The following STON2 variants were observed in gnomAD, a reference collection of about 807,000 sequenced individuals.
STON2 encodes the protein stonin-2.
Under a neutral mutation model 65.7 loss-of-function variants are expected in STON2, and 29 were observed. The observed-to-expected ratio is 0.44, with a 90% CI of 0.33 to 0.60. The LOEUF (loss-of-function observed/expected upper bound fraction) is 0.60. STON2 is among the 20% of genes least tolerant of loss of function. The pLI, the probability that STON2 is intolerant of heterozygous loss-of-function variation, is 0.03. For synonymous variants in STON2, 404 were observed against 414.2 expected (o/e 0.98, Z 0.30); for missense variants, 1,054 against 1,118.1 (o/e 0.94, Z 0.82).
chr14:81,384,503 TG>T (rs869170346), intron 3 of STON2, among the ~76,000 whole-genome samples: 1 of 140,936 alleles, frequency 7.1e-6, no homozygotes, highest in South Asian at 2.4e-4. Flanking sequence ...ACCAAAGTGG[TG>T]GGATTACAGG....
At chr14:81,274,182 A>G (rs1183190946) in intron 6 of STON2, among the ~76,000 whole-genome samples, 2 of 152,292 alleles carry the variant, frequency 1.3e-5, no homozygotes, top group African/African-American at 4.8e-5. Flanking sequence ...ATGGAAACAT[A>G]CCACTGGCTA....
intron 5 of STON2, among the ~76,000 whole-genome samples, chr14:81,304,310 T>TTTG (rs1896086303): frequency 6.6e-6 from 1 of 152,242 alleles, no homozygotes; most frequent in Non-Finnish European, 1.5e-5. Flanking sequence ...TTACGTGGAT[T>TTTG]ATCTCCTTTG....
chr14:81,297,358 G>A (rs1414637213), intron 5 of STON2, among the ~76,000 whole-genome samples: 2 of 152,222 alleles, frequency 1.3e-5, no homozygotes, highest in African/African-American at 2.4e-5. Context: ...TACAAAGCTA[G>A]TAAGAGGAAG....
At chr14:81,274,587 C>A (rs1489763820) in intron 6 of STON2, among the ~76,000 whole-genome samples, 1 of 151,896 alleles carries the variant, frequency 6.6e-6, no homozygotes, top group Non-Finnish European at 1.5e-5. Flanking sequence ...TCTTGGTGGT[C>A]ACGTCAGTCA....
rs150857052 is a variant in STON2 at position 81,412,795 on chromosome 14, C to T, written c.-198-14215G>A. Among the ~76,000 whole-genome samples the T allele has an allele frequency of 4.2e-4, 59 of 139,986 alleles. 17 individuals carry two copies. In the East Asian group the frequency reaches 0.014, roughly 32 times the overall value. 91.8% of individuals were successfully genotyped at this position (139,986 alleles called of 152,430 possible). A position where few individuals can be genotyped will look rare whatever the true frequency, so the allele number is the denominator to read the frequency against. ...AAATGACCACGCGCAAAGCAGTCTT[C>T]GCAAAGGGGAAAATATGATTGCTTT... On this transcript the variant is annotated intron_variant, in intron 2 of 8. Coordinates refer to the STON2 transcript ENST00000553821.
At chr14:81,397,809 GC>G (rs1900399323) in intron 2 of STON2, among the ~76,000 whole-genome samples, 1 of 152,070 alleles carries the variant, frequency 6.6e-6, no homozygotes, top group South Asian at 2.1e-4. Flanking sequence ...ATTCACTTAA[GC>G]CTCACAGCAA....
upstream of STON2, among the ~76,000 whole-genome samples, chr14:81,400,497 A>AAAAAC (rs1555406734): frequency 6.7e-6 from 1 of 148,912 alleles, no homozygotes; most frequent in Non-Finnish European, 1.5e-5. Flanking sequence ...AAAAAAAAAA[A>AAAAAC]CCCACAATAC....
intron 4 of STON2, chr14:81,333,314 T>G (rs528834447): frequency 1.6e-6 from 1 of 642,236 alleles, no homozygotes; most frequent in Non-Finnish European, 2.9e-6. Context: ...TCTGAAGTCG[T>G]TGGTTGGTCA....
intron 5 of STON2, chr14:81,323,521 A>T (rs1439395612): frequency 6.6e-6 from 1 of 152,206 alleles, no homozygotes; most frequent in African/African-American, 2.4e-5. Context: ...TCTTTTCCTC[A>T]AACCCCACCT....
At position 81,264,620 on chromosome 14, in the gene STON2, C is replaced by T. The variant is rs533452287; in HGVS notation, c.*3794G>A. 3 of 984,924 alleles carry T rather than the reference C, an allele frequency of 3.0e-6. No individual in the cohort carries two copies. The highest frequency in any genetic ancestry group is 1.1e-4 in the East Asian group (1 of 8,802). The allele number at this position is 984,924 out of a possible 1,614,324, so 61.0% of individuals were successfully genotyped here. A position where few individuals can be genotyped will look rare whatever the true frequency, so the allele number is the denominator to read the frequency against. ...TAGGGAAATAAACTCTTACTCCCAG[C>T]CACTGGATTTGAATAGAAATCAGTC... On this transcript the variant is annotated 3_prime_UTR_variant, in exon 8 of 8. Coordinates refer to ENST00000614646, the MANE Select transcript of STON2 (RefSeq NM_001394390.1).
chr14:81,285,652 T>A (rs966622212), intron 5 of STON2, among the ~76,000 whole-genome samples: 1 of 152,160 alleles, frequency 6.6e-6, no homozygotes, highest in Non-Finnish European at 1.5e-5. Context: ...TTTCTTGAGA[T>A]AGAATCTACT....
intron 2 of STON2, among the ~76,000 whole-genome samples, chr14:81,406,954 C>T (rs1414587088): frequency 6.6e-6 from 1 of 152,152 alleles, no homozygotes; most frequent in Non-Finnish European, 1.5e-5. Flanking sequence ...TTCAATTGCC[C>T]CAAACTCTGA....
At chr14:81,424,903 C>T (rs1901892528) in intron 2 of STON2, among the ~76,000 whole-genome samples, 1 of 152,192 alleles carries the variant, frequency 6.6e-6, no homozygotes. Context: ...CTTCACATCA[C>T]CCTCTCCCAT....
chr14:81,367,038 T>A (rs1052739383), intron 4 of STON2, among the ~76,000 whole-genome samples: 19 of 152,250 alleles, frequency 1.2e-4, no homozygotes, highest in Admixed American at 1.2e-3. Flanking sequence ...CCATCCAGCC[T>A]CAAAGCAGGG....
At chr14:81,355,420 G>A (rs1308784144) in intron 4 of STON2, among the ~76,000 whole-genome samples, 1 of 151,856 alleles carries the variant, frequency 6.6e-6, no homozygotes, top group Non-Finnish European at 1.5e-5. Context: ...ACATACAAAG[G>A]GGTCCCAATA....
intron 4 of STON2, among the ~76,000 whole-genome samples, chr14:81,368,531 T>C (rs751603227): frequency 6.6e-6 from 1 of 152,112 alleles, no homozygotes; most frequent in African/African-American, 2.4e-5. Context: ...CTGACCAACA[T>C]GGCGAAACTC....
intron 5 of STON2, among the ~76,000 whole-genome samples, chr14:81,292,257 T>A (rs942597443): frequency 6.6e-6 from 1 of 152,186 alleles, no homozygotes; most frequent in Non-Finnish European, 1.5e-5. Flanking sequence ...CCAAGGATCA[T>A]GTTATCTCAC....
intron 1 of STON2, among the ~76,000 whole-genome samples, chr14:81,434,811 C>T (rs895595160): frequency 5.3e-5 from 8 of 152,016 alleles, no homozygotes; most frequent in Middle Eastern, 3.4e-3. Context: ...TCAGATTAAC[C>T]AAGAAAAGAA....
intron 5 of STON2, among the ~76,000 whole-genome samples, chr14:81,308,559 C>T (rs1183534268): frequency 6.6e-6 from 1 of 151,920 alleles, no homozygotes; most frequent in Non-Finnish European, 1.5e-5. Context: ...CAGAATTCTA[C>T]ATGCTGAAGG....
Sources: gnomAD v4.1 joint callset for allele counts (sites outside exome capture counted in the v4.1 genomes callset) on GRCh38, gnomAD v4.1.1 for gene constraint, MANE v1.5 for transcripts, NCBI Gene and HGNC (gene_info 2026-07-23, HGNC 2026-07-21) for gene names.